The following AOPEP variants were observed in gnomAD, a reference collection of about 807,000 sequenced individuals.
AOPEP encodes aminopeptidase O (putative).
Under a neutral mutation model 98.1 loss-of-function variants are expected in AOPEP, and 77 were observed. The ratio of observed to expected loss-of-function variants is 0.78; its 90% CI spans 0.65 to 0.95. The LOEUF (loss-of-function observed/expected upper bound fraction) is 0.95. Ranked by LOEUF, AOPEP falls within the 40% of genes least tolerant of loss-of-function variation. AOPEP has a pLI of 0.00. For missense variants in AOPEP, 1,024 were observed against 1,024.7 expected (o/e 1.00, Z 0.01); for synonymous variants, 346 against 365.3 (o/e 0.95, Z 0.60).
the AOPEP span, chr9:95,149,949 A>C: frequency 6.2e-7 from 1 of 1,610,056 alleles, no homozygotes; most frequent in Non-Finnish European, 8.5e-7. Flanking sequence ...TTACAGCCTC[A>C]AAGAACTCTG....
At chr9:94,800,060 G>C (rs1316780614) in intron 4 of AOPEP, among the ~76,000 whole-genome samples, 1 of 152,146 alleles carries the variant, frequency 6.6e-6, no homozygotes, top group Non-Finnish European at 1.5e-5. Context: ...GCAGTGGTCG[G>C]ATGAAGCAGG....
intron 5 of AOPEP, among the ~76,000 whole-genome samples, chr9:94,825,274 G>T (rs1408141725): frequency 6.6e-6 from 1 of 152,204 alleles, no homozygotes; most frequent in African/African-American, 2.4e-5. Flanking sequence ...TGGATGCCTT[G>T]GTGGAAGACC....
intron 5 of AOPEP, among the ~76,000 whole-genome samples, chr9:94,910,482 G>A (rs908781504): frequency 6.6e-6 from 1 of 152,224 alleles, no homozygotes; most frequent in East Asian, 1.9e-4. Flanking sequence ...TCCCTCAAGG[G>A]TGGGACCTAA....
intron 13 of AOPEP, among the ~76,000 whole-genome samples, chr9:95,017,174 GT>G (rs1391908084): frequency 4.0e-5 from 6 of 150,364 alleles, no homozygotes; most frequent in Admixed American, 3.3e-4. Context: ...GTGGGTTTCT[GT>G]TTTTTTTTCT....
chr9:95,007,339 A>C (rs1788982152), intron 13 of AOPEP, among the ~76,000 whole-genome samples: 1 of 142,576 alleles, frequency 7.0e-6, no homozygotes, highest in Non-Finnish European at 1.5e-5. Flanking sequence ...TATTTGTGAC[A>C]CCCATGACCT....
chr9:95,060,347 T>C (rs542905331), intron 13 of AOPEP, among the ~76,000 whole-genome samples: 92 of 152,364 alleles, frequency 6.0e-4, no homozygotes, highest in African/African-American at 2.2e-3. Flanking sequence ...TTGTCTAGGC[T>C]AAATTACATT....
At chr9:94,928,706 T>A in intron 7 of AOPEP, 175 bp downstream of exon 7, 2 of 538,098 alleles carry the variant, frequency 3.7e-6, no homozygotes, top group Non-Finnish European at 6.5e-6. Flanking sequence ...TGCGTTTCGA[T>A]TTGCCTTCCG....
chr9:95,091,866 T>G (rs1459057055), downstream of AOPEP, among the ~76,000 whole-genome samples: 1 of 152,086 alleles, frequency 6.6e-6, no homozygotes, highest in African/African-American at 2.4e-5. Flanking sequence ...CGTGTGCATG[T>G]GCGCACCCCA....
intron 5 of AOPEP, among the ~76,000 whole-genome samples, chr9:94,840,076 T>G (rs540050959): frequency 1.3e-5 from 2 of 152,346 alleles, no homozygotes; most frequent in South Asian, 2.1e-4. Flanking sequence ...CCTCTTTTTC[T>G]TCATCTTATT....
intron 5 of AOPEP, among the ~76,000 whole-genome samples, chr9:94,819,852 A>G (rs1432847309): frequency 6.6e-6 from 1 of 151,620 alleles, no homozygotes; most frequent in East Asian, 1.9e-4. Context: ...GGATTACAGG[A>G]ATGAGCCACT....
chr9:94,802,410 G>C (rs1848397365), intron 5 of AOPEP, among the ~76,000 whole-genome samples: 1 of 152,146 alleles, frequency 6.6e-6, no homozygotes, highest in Non-Finnish European at 1.5e-5. Context: ...TCATGCACAG[G>C]ATTCTGTTTT....
intron 5 of AOPEP, among the ~76,000 whole-genome samples, chr9:94,865,751 A>G (rs1039237792): frequency 4.6e-5 from 7 of 152,240 alleles, no homozygotes; most frequent in African/African-American, 1.7e-4. Context: ...GACTATATGC[A>G]TAGGTTCTCA....
At chr9:94,947,633 C>A (rs997783481) in intron 7 of AOPEP, among the ~76,000 whole-genome samples, 1 of 152,204 alleles carries the variant, frequency 6.6e-6, no homozygotes, top group Non-Finnish European at 1.5e-5. Context: ...TAATAACATT[C>A]TTTGAGTGCT....
the AOPEP span, among the ~76,000 whole-genome samples, chr9:95,146,730 G>C: frequency 6.6e-6 from 1 of 151,896 alleles, no homozygotes; most frequent in African/African-American, 2.4e-5. Flanking sequence ...ACTGCAGACA[G>C]AGCCACTCGT....
chr9:94,762,781 A>G (rs1401604003), intron 2 of AOPEP, among the ~76,000 whole-genome samples: 1 of 152,226 alleles, frequency 6.6e-6, no homozygotes, highest in Non-Finnish European at 1.5e-5. Flanking sequence ...TGCGCTGCAG[A>G]ATAAATCTTA....
chr9:94,820,703 C>T (rs1049750325), intron 5 of AOPEP, among the ~76,000 whole-genome samples: 1 of 152,202 alleles, frequency 6.6e-6, no homozygotes, highest in Non-Finnish European at 1.5e-5. Context: ...GTGCCTGCAT[C>T]TTATTTATCC....
At chr9:94,977,367 CTA>C (rs1174269018) in intron 10 of AOPEP, among the ~76,000 whole-genome samples, 11 of 152,114 alleles carry the variant, frequency 7.2e-5, no homozygotes, top group Non-Finnish European at 1.5e-4. Context: ...CTGCAGTACT[CTA>C]TGTCACCTGC....
At chr9:95,066,951 A>G (rs1250833219) in intron 14 of AOPEP, among the ~76,000 whole-genome samples, 3 of 152,204 alleles carry the variant, frequency 2.0e-5, no homozygotes, top group African/African-American at 7.2e-5. Flanking sequence ...TCCACACCAG[A>G]AACCACACAA....
chr9:94,830,031 TTATG>T (rs1226692919), intron 5 of AOPEP, among the ~76,000 whole-genome samples: 1 of 152,210 alleles, frequency 6.6e-6, no homozygotes, highest in Admixed American at 6.5e-5. Flanking sequence ...ATTTATTTAT[TTATG>T]TATTTATTCA....
Sources: gnomAD v4.1 joint callset for allele counts (sites outside exome capture counted in the v4.1 genomes callset) on GRCh38, gnomAD v4.1.1 for gene constraint, MANE v1.5 for transcripts, NCBI Gene and HGNC (gene_info 2026-07-23, HGNC 2026-07-21) for gene names.